The following DCUN1D5 variants were observed in gnomAD, a reference collection of about 807,000 sequenced individuals.
DCUN1D5 encodes the protein defective in cullin neddylation 1 domain containing 5, also known as DCN1-like protein 5.
A neutral mutation model predicts 38.3 loss-of-function variants in DCUN1D5; 10 were observed. That is an observed-to-expected ratio of 0.26 (90% CI 0.16 to 0.44). DCUN1D5 has a LOEUF of 0.44. Ranked by LOEUF, DCUN1D5 falls within the 20% of genes least tolerant of loss-of-function variation. The probability of loss-of-function intolerance (pLI) is 1.00; values close to 1 mark genes in which losing one functional copy is unlikely to be tolerated. For synonymous variants in DCUN1D5, 93 were observed against 90.9 expected (o/e 1.02, Z -0.13); for missense variants, 148 against 275.3 (o/e 0.54, Z 3.27).
At position 103,071,338 on chromosome 11, in the gene DCUN1D5, G is replaced by C. The variant is rs919647081; in HGVS notation, c.342-4771C>G. Among the ~76,000 whole-genome samples, 2 of 151,748 alleles carry C rather than the reference G, an allele frequency of 1.3e-5. No homozygotes were observed. Among genetic ancestry groups the C allele is most frequent in the African/African-American group, 2.4e-5 (1 of 41,348 alleles). ...AATTACCCATATCAGGAATGAAATG[G>C]GGTATTATTACAGACCCACAGCTAT... On this transcript the variant is annotated intron_variant, in intron 4 of 7. Transcript: ENST00000260247. This position sits in a 1 kb window ranked among gnomAD's most constrained non-coding sequence, Gnocchi z 4.1.
In DCUN1D5 at chr11:103,061,201, CT is replaced by C. The variant is rs1862001416; in HGVS notation, c.*1157del. On this transcript the variant is annotated 3_prime_UTR_variant, in exon 8 of 8. Transcript: ENST00000260247. ...CCTTAAATCCTAATAGAAACACTCC[CT>C]TATTATGGAAAAATAACCTCTTTAC... Among the ~76,000 whole-genome samples the C allele has an allele frequency of 6.6e-6, 1 of 152,120 alleles. No individual in the cohort carries two copies. The highest frequency in any genetic ancestry group is 2.4e-5 in the African/African-American group (1 of 41,432).
Position 103,064,476 on chromosome 11 carries a change from T to C in DCUN1D5, c.556-99A>G, listed in dbSNP as rs1862086357. On this transcript the variant is annotated intron_variant, in intron 6 of 7. Coordinates refer to ENST00000260247, the MANE Select transcript of DCUN1D5 (RefSeq NM_032299.4). The surrounding 1 kb of genome is among the most constrained non-coding windows in gnomAD (Gnocchi z 4.5). The stretch of plus-strand genomic sequence containing the variant: ...TTTAACTGTTTTTGTGATTTGGTTT[T>C]TTCTAAAACATTTACTATTTTTTTA... The C allele has an allele frequency of 2.3e-6, 2 of 883,984 alleles. No individual in the cohort carries two copies. The highest frequency in any genetic ancestry group is 3.2e-5 in the Admixed American group (1 of 30,988). 54.8% of individuals were successfully genotyped at this position (883,984 alleles called of 1,614,324 possible).
In DCUN1D5 at chr11:103,059,009, A is replaced by T. The variant is rs1861946228; in HGVS notation, c.*3350T>A. Among the ~76,000 whole-genome samples the T allele has an allele frequency of 6.6e-6, 1 of 151,170 alleles. No individual in the cohort carries two copies. The highest frequency in any genetic ancestry group is 2.1e-4 in the South Asian group (1 of 4,788). ...ATGCCCTCAATTTATTTGATGCCTT[A>T]GACATTTAAAACATTAAGCTGTAAG... On this transcript the variant is annotated 3_prime_UTR_variant, in exon 8 of 8. Transcript: ENST00000260247.
rs1861843285 is a variant in DCUN1D5, at chr11:103,055,160, C to T, written c.*7199G>A. 6.6e-6 allele frequency: 1 copy of T among 152,108 alleles called. No individual in the cohort carries two copies. The highest frequency in any genetic ancestry group is 1.5e-5 in the Non-Finnish European group (1 of 68,004). The allele number at this position is 152,108 out of a possible 1,614,324, so 9.4% of individuals were successfully genotyped here. On this transcript the variant is annotated 3_prime_UTR_variant, in exon 8 of 8. Coordinates refer to ENST00000260247, the MANE Select transcript of DCUN1D5 (RefSeq NM_032299.4). The stretch of plus-strand genomic sequence containing the variant: ...CTTGGGAACAGAGTAAACTGTTGTA[C>T]ACCTGCATTTTGACTGTGACCCATC...
chr11:103,085,207 A>G lies in DCUN1D5; in HGVS notation c.179-1881T>C, dbSNP rs562273238. Among the ~76,000 whole-genome samples the G allele has an allele frequency of 1.8e-4, 27 of 152,312 alleles. 1 individual carries two copies. The South Asian group carries it at 5.6e-3, about 32-fold the overall frequency. On this transcript the variant is annotated intron_variant, in intron 2 of 7. Transcript: ENST00000260247. ...GTAATCTCAGCACTTTGGGAGGCCG[A>G]GGCAGATGGATTACGAGGTCAGGAT...
chr11:103,052,889 G>C lies in DCUN1D5; in HGVS notation c.*9470C>G, dbSNP rs1861780443. Reference sequence around the variant, plus strand: ...TTGATGTCAAGGTGCAAATGTGCAAGTAGTGGTTTTTAAAACCTGCTATTC... The same window carrying C: ...TTGATGTCAAGGTGCAAATGTGCAACTAGTGGTTTTTAAAACCTGCTATTC... On this transcript the variant is annotated 3_prime_UTR_variant, in exon 8 of 8. Transcript: ENST00000260247. 6.6e-6 allele frequency: 1 copy of C among 152,176 alleles called. No homozygotes were observed. The highest frequency in any genetic ancestry group is 2.1e-4 in the South Asian group (1 of 4,832). 9.4% of individuals were successfully genotyped at this position (152,176 alleles called of 1,614,324 possible).
chr11:103,074,382 CTTCT>C (rs879383150), intron 4 of DCUN1D5, among the ~76,000 whole-genome samples: 7 of 152,212 alleles, frequency 4.6e-5, no homozygotes, highest in Non-Finnish European at 7.4e-5. Flanking sequence ...ACTACATTAT[CTTCT>C]TTCTATCTCA....
rs773912073 is a variant in DCUN1D5 at position 103,086,116 on chromosome 11, AAAGG to A, written c.179-2794_179-2791del. On this transcript the variant is annotated intron_variant, in intron 2 of 7. Transcript: ENST00000260247. The surrounding 1 kb of genome is among the most constrained non-coding windows in gnomAD (Gnocchi z 4.1). ...AATTTCCTGATTTCTTTATAACCAT[AAAGG>A]AATGTTCCTAGCTATATCTGCAAGG... 2.6e-5 allele frequency among the ~76,000 whole-genome samples: 4 copies of A among 152,158 alleles called. No individual in the cohort carries two copies. The highest frequency in any genetic ancestry group is 5.9e-5 in the Non-Finnish European group (4 of 68,020).
At chr11:103,090,561 T>G (rs192636231) in intron 1 of DCUN1D5, among the ~76,000 whole-genome samples, 4 of 152,326 alleles carry the variant, frequency 2.6e-5, no homozygotes, top group Non-Finnish European at 5.9e-5. Context: ...GCATCTGAAG[T>G]TGTCATATCA....
chr11:103,084,476 T>C (rs1386716781), intron 2 of DCUN1D5, among the ~76,000 whole-genome samples: 2 of 152,208 alleles, frequency 1.3e-5, no homozygotes, highest in Non-Finnish European at 2.9e-5. Flanking sequence ...TTAAGTGTTA[T>C]TAGGTTTAAA....
chr11:103,083,018 A>G lies in DCUN1D5; in HGVS notation c.250-179T>C, dbSNP rs887985384. Among the ~76,000 whole-genome samples the G allele has an allele frequency of 2.6e-5, 4 of 152,054 alleles. No homozygotes were observed. The highest frequency in any genetic ancestry group is 5.9e-5 in the Non-Finnish European group (4 of 67,892). ...TGAGATGTGCCAATTTCTTAAAAGT[A>G]AAAAGTTCTAACAGTTTCTGAAGGT... On this transcript the variant is annotated intron_variant, in intron 3 of 7. Coordinates refer to ENST00000260247, the MANE Select transcript of DCUN1D5 (RefSeq NM_032299.4). The surrounding 1 kb of genome is among the most constrained non-coding windows in gnomAD (Gnocchi z 4.4).
intron 4 of DCUN1D5, among the ~76,000 whole-genome samples, chr11:103,070,331 A>G (rs1337874615): frequency 6.6e-6 from 1 of 152,174 alleles, no homozygotes; most frequent in Admixed American, 6.5e-5. Flanking sequence ...CAAATAGTAT[A>G]GGCAGGTTGA....
chr11:103,069,141 TA>T (rs1862208874), intron 4 of DCUN1D5, among the ~76,000 whole-genome samples: 1 of 152,176 alleles, frequency 6.6e-6, no homozygotes, highest in Non-Finnish European at 1.5e-5. Context: ...CTGAACATTA[TA>T]TAGAAAATAA....
Position 103,055,339 on chromosome 11 carries a change from TCTAGAAGCAAG to T in DCUN1D5, c.*7009_*7019del, listed in dbSNP as rs1273185087. The T allele has an allele frequency of 6.6e-6, 1 of 152,138 alleles. No homozygotes were observed. Among genetic ancestry groups the T allele is most frequent in the Non-Finnish European group, 1.5e-5 (1 of 68,006 alleles). The allele number at this position is 152,138 out of a possible 1,614,324, so 9.4% of individuals were successfully genotyped here. On this transcript the variant is annotated 3_prime_UTR_variant, in exon 8 of 8. Coordinates refer to ENST00000260247, the MANE Select transcript of DCUN1D5 (RefSeq NM_032299.4). ...TTAATTCATGTAGAACTCTTCACAA[TCTAGAAGCAAG>T]CCTGCCCTCTAGTGCTAAAACTGTC...
intron 3 of DCUN1D5, 45 bp from the exon 4 acceptor site, chr11:103,082,884 A>ACAT: frequency 6.9e-7 from 1 of 1,439,284 alleles, no homozygotes; most frequent in Non-Finnish European, 9.7e-7. Flanking sequence ...GTCAGCATAG[A>ACAT]GATAATCATG....
rs546235948 is a variant in DCUN1D5 at position 103,060,175 on chromosome 11, T to G, written c.*2184A>C. On this transcript the variant is annotated 3_prime_UTR_variant, in exon 8 of 8. Coordinates refer to ENST00000260247, the MANE Select transcript of DCUN1D5 (RefSeq NM_032299.4). ...GGCAAATGTTATAACTTTAAGAAGGTAAGAGAAATAGATGGAGCAATAGAG... is the reference window on the plus strand; with the variant it reads ...GGCAAATGTTATAACTTTAAGAAGGGAAGAGAAATAGATGGAGCAATAGAG... Among the ~76,000 whole-genome samples, 2 of 152,134 alleles carry G rather than the reference T, an allele frequency of 1.3e-5. No individual in the cohort carries two copies. Among genetic ancestry groups the G allele is most frequent in the East Asian group, 3.9e-4 (2 of 5,170 alleles).
Position 103,066,603 on chromosome 11 carries a change from C to A in DCUN1D5, c.342-36G>T. Reference sequence around the variant, plus strand: ...AGAAATATCAAACAAATTACATAATCAAGAAAATCAAATAAAAGTATCACT... The same window carrying A: ...AGAAATATCAAACAAATTACATAATAAAGAAAATCAAATAAAAGTATCACT... On this transcript the variant is annotated intron_variant, in intron 4 of 7. Transcript: ENST00000260247. The surrounding 1 kb of genome is among the most constrained non-coding windows in gnomAD (Gnocchi z 4.7). The A allele has an allele frequency of 1.5e-6, 2 of 1,317,132 alleles. No individual in the cohort carries two copies. The highest frequency in any genetic ancestry group is 2.2e-6 in the Non-Finnish European group (2 of 919,918). The allele number at this position is 1,317,132 out of a possible 1,614,324, so 81.6% of individuals were successfully genotyped here.
At position 103,053,274 on chromosome 11, in the gene DCUN1D5, T is replaced by G. The variant is rs925163279; in HGVS notation, c.*9085A>C. On this transcript the variant is annotated 3_prime_UTR_variant, in exon 8 of 8. Transcript: ENST00000260247. This position sits in a 1 kb window ranked among gnomAD's most constrained non-coding sequence, Gnocchi z 4.8. ...CTGTAAATTGATCATTTAGTCATAT[T>G]TAGCATCCATTTAATGAACCATTTC... 4 of 152,154 alleles carry G rather than the reference T, an allele frequency of 2.6e-5. No homozygotes were observed. The highest frequency in any genetic ancestry group is 5.9e-5 in the Non-Finnish European group (4 of 67,990). The allele number at this position is 152,154 out of a possible 1,614,324, so 9.4% of individuals were successfully genotyped here. A position where few individuals can be genotyped will look rare whatever the true frequency, so the allele number is the denominator to read the frequency against.
Position 103,062,569 on chromosome 11 carries a change from T to G in DCUN1D5, c.659-155A>C, listed in dbSNP as rs775313930. ...CACCTTATTCCATTTAATGGTGCTT[T>G]CTTATTAGCCTTTTCTTTTTTGCCC... is the stretch of plus-strand genomic sequence containing the variant. On this transcript the variant is annotated intron_variant, in intron 7 of 7. Coordinates refer to ENST00000260247, the MANE Select transcript of DCUN1D5 (RefSeq NM_032299.4). The surrounding 1 kb of genome is among the most constrained non-coding windows in gnomAD (Gnocchi z 4.6). 5.3e-5 allele frequency among the ~76,000 whole-genome samples: 8 copies of G among 152,150 alleles called. No individual in the cohort carries two copies. Among genetic ancestry groups the G allele is most frequent in the Non-Finnish European group, 1.0e-4 (7 of 67,990 alleles).
Sources: allele counts gnomAD v4.1 joint callset (sites outside exome capture counted in the v4.1 genomes callset), GRCh38; gene constraint gnomAD v4.1.1; non-coding constraint Gnocchi (gnomAD v3.1); transcripts MANE v1.5; gene names NCBI Gene and HGNC (gene_info 2026-07-23, HGNC 2026-07-21).